Variants in BMP15 observed in about 807,000 individuals in gnomAD.
BMP15 encodes growth/differentiation factor 9B.
A neutral mutation model predicts 4.4 loss-of-function variants in BMP15; 5 were observed. The ratio of observed to expected loss-of-function variants is 1.13; its 90% CI spans 0.59 to 2.38. BMP15 has a LOEUF of 2.38. BMP15 is among the 30% of genes most tolerant of loss of function. The probability of loss-of-function intolerance (pLI) is 0.01; values close to 1 mark genes in which losing one functional copy is unlikely to be tolerated. For synonymous variants in BMP15, 125 were observed against 114.6 expected, an observed-to-expected ratio of 1.09 and a Z score of -0.58; for missense variants, 339 against 309.8, an observed-to-expected ratio of 1.09 and a Z score of -0.71.
chrX:50,915,128 C>T (rs1377115256), intron 1 of BMP15, among the ~76,000 whole-genome samples: 1 of 111,351 alleles, frequency 9.0e-6, no homozygotes, highest in African/African-American at 3.3e-5. Context: ...AGATAGCTGT[C>T]TGTACTAGAG....
chrX:50,913,887 C>T (rs1425384684), intron 1 of BMP15, among the ~76,000 whole-genome samples: 2 of 111,688 alleles, frequency 1.8e-5, no homozygotes, highest in African/African-American at 6.5e-5. Context: ...AAAGCAAATA[C>T]AAGCCTGGCT....
rs1408633559 is a variant in BMP15, at chrX:50,914,454, C to T, written c.329-1303C>T. Among the ~76,000 whole-genome samples the T allele has an allele frequency of 5.4e-5, 6 of 111,755 alleles. No individual in the cohort carries two copies. In the Admixed American group the frequency reaches 5.7e-4, roughly 11 times the overall value. On this transcript the variant is annotated intron_variant, in intron 1 of 1. Coordinates refer to ENST00000252677, the MANE Select transcript of BMP15 (RefSeq NM_005448.2). ...AAACAGAAAAAGCTGGGCATGTTGG[C>T]ACATACCTGTAGTCCTTGCTATCCA...
intron 1 of BMP15, among the ~76,000 whole-genome samples, chrX:50,915,236 C>T (rs2147793459): frequency 9.0e-6 from 1 of 111,713 alleles, no homozygotes; most frequent in Non-Finnish European, 1.9e-5. Context: ...AAAGCTGCAT[C>T]TGTATAGTGA....
chrX:50,916,575 G>C lies in BMP15; in HGVS notation c.1147G>C (p.Gly383Arg). 8.3e-7 allele frequency: 1 copy of C among 1,211,146 alleles called. No individual in the cohort carries two copies. The highest frequency in any genetic ancestry group is 1.1e-6 in the Non-Finnish European group (1 of 895,360). The change falls in exon 2 of 2, where the codon GGT becomes CGT. Residue 383 changes from glycine (G) to arginine (R), a missense_variant. By Grantham distance (125) the Gly-to-Arg change is moderately radical. Coordinates refer to ENST00000252677, the MANE Select transcript of BMP15 (RefSeq NM_005448.2). ...GAGTATTTTGTACAAGGAGTATGAG[G>C]GTATGATTGCTGAGTCTTGTACATG... ...NGSILYKEYEGMIAESCTCR is the reference protein window; with the variant it reads ...NGSILYKEYERMIAESCTCR
chrX:50,910,794 T>G lies in BMP15; in HGVS notation c.11T>G (p.Leu4Arg). 1 of 1,207,229 alleles carries G rather than the reference T, an allele frequency of 8.3e-7. No individual in the cohort carries two copies. Among genetic ancestry groups the G allele is most frequent in the East Asian group, 3.0e-5 (1 of 33,736 alleles). Residue 4 changes from leucine (L) to arginine (R), a missense_variant, in exon 1 of 2, where the codon CTC (leucine) becomes CGC (arginine). By Grantham distance (102) the Leu-to-Arg change is moderately radical. Coordinates refer to ENST00000252677, the MANE Select transcript of BMP15 (RefSeq NM_005448.2). ...ACTAAGCCTTTCAAGATGGTCCTCCTCAGTATTCTTAGAATTCTTTTTCTT... is the reference window on the plus strand; with the variant it reads ...ACTAAGCCTTTCAAGATGGTCCTCCGCAGTATTCTTAGAATTCTTTTTCTT... MVL[L>R]SILRILFLCE...
chrX:50,915,922 C>T lies in BMP15; in HGVS notation c.494C>T (p.Pro165Leu). 4.1e-6 allele frequency: 5 copies of T among 1,211,903 alleles called. No individual in the cohort carries two copies. The South Asian group carries it at 7.0e-5, about 17-fold the overall frequency. ...WVQKNPTNHF[P>L]SSEGDSSKPS... ...CAGAAAAACCCAACCAACCACTTCC[C>T]TTCCTCAGAAGGAGATTCCTCAAAA... Residue 165 changes from proline to leucine, a missense_variant, in exon 2 of 2, where the codon CCT becomes CTT. Pro to Leu is a moderately conservative substitution (Grantham distance 98, BLOSUM62 -3). Coordinates refer to ENST00000252677, the MANE Select transcript of BMP15 (RefSeq NM_005448.2).
At chrX:50,911,757 A>T (rs782337588) in intron 1 of BMP15, among the ~76,000 whole-genome samples, 1 of 111,896 alleles carries the variant, frequency 8.9e-6, no homozygotes, top group Non-Finnish European at 1.9e-5. Flanking sequence ...GTAACTTCTT[A>T]AGTCTTTAAA....
intron 1 of BMP15, 49 bp downstream of exon 1, chrX:50,911,160 G>A: frequency 8.8e-7 from 1 of 1,132,012 alleles, no homozygotes; most frequent in Non-Finnish European, 1.2e-6. Context: ...GAAGTGGAGA[G>A]GAGTGTAGAG....
At chrX:50,914,008 T>C (rs1410541407) in intron 1 of BMP15, among the ~76,000 whole-genome samples, 4 of 112,109 alleles carry the variant, frequency 3.6e-5, no homozygotes, top group African/African-American at 1.3e-4. Flanking sequence ...TTCGCTCTTA[T>C]CATCCAGGCT....
In BMP15 at chrX:50,916,478, G is replaced by GAGTGTCCCCCGGCCC; in HGVS notation, c.1051_1065dup (p.Val352_Ser356dup). The GAGTGTCCCCCGGCCC allele has an allele frequency of 1.7e-6, 2 of 1,211,599 alleles. No homozygotes were observed. Among genetic ancestry groups the GAGTGTCCCCCGGCCC allele is most frequent in the Non-Finnish European group, 2.2e-6 (2 of 895,534 alleles). Reference sequence around the variant, plus strand: ...ACCTTATCAATCAGTTGGTGGACCAGAGTGTCCCCCGGCCCTCCTGTGTCC... The same window carrying GAGTGTCCCCCGGCCC: ...ACCTTATCAATCAGTTGGTGGACCAGAGTGTCCCCCGGCCCAGTGTCCCCCGGCCCTCCTGTGTCC... On this transcript the variant is annotated inframe_insertion, in exon 2 of 2. Transcript: ENST00000252677.
Position 50,910,853 on chromosome X carries a change from C to G in BMP15, c.70C>G (p.Gln24Glu). The change falls in exon 1 of 2, where the codon CAA becomes GAA. Residue 24 changes from glutamine to glutamate, a missense_variant. By Grantham distance (29) the Gln-to-Glu change is conservative. Coordinates refer to ENST00000252677, the MANE Select transcript of BMP15 (RefSeq NM_005448.2). The stretch of plus-strand genomic sequence containing the variant: ...CGTGCTTTTCATGGAACACAGGGCC[C>G]AAATGGCAGAAGGAGGGCAGTCCTC... Reference protein sequence around the residue: ...ELVLFMEHRAQMAEGGQSSIA... With the variant: ...ELVLFMEHRAEMAEGGQSSIA... The G allele has an allele frequency of 2.5e-6, 3 of 1,209,181 alleles. No individual in the cohort carries two copies. Among genetic ancestry groups the G allele is most frequent in the Non-Finnish European group, 3.4e-6 (3 of 894,047 alleles).
intron 1 of BMP15, among the ~76,000 whole-genome samples, chrX:50,912,325 A>C (rs1923030400): frequency 9.0e-6 from 1 of 110,768 alleles, no homozygotes; most frequent in East Asian, 2.8e-4. Flanking sequence ...TGCTGTTCTG[A>C]CTCCCCACTG....
At chrX:50,915,727 C>T in intron 1 of BMP15, 30 bp from the exon 2 acceptor site, 1 of 1,210,349 alleles carries the variant, frequency 8.3e-7, no homozygotes, top group South Asian at 1.8e-5. Flanking sequence ...GAAGCTAAAC[C>T]TCTGCTCTTG....
At chrX:50,911,180 T>C (rs2147792036) in intron 1 of BMP15, 69 bp downstream of exon 1, 1 of 1,097,789 alleles carries the variant, frequency 9.1e-7, no homozygotes, top group Non-Finnish European at 1.2e-6. Flanking sequence ...GAAAAGGGAA[T>C]TGGTGGGTTT....
In BMP15 at chrX:50,916,281, G is replaced by A. The variant is rs1375150845; in HGVS notation, c.853G>A (p.Gly285Arg). The A allele has an allele frequency of 2.6e-5, 31 of 1,204,783 alleles. No individual in the cohort carries two copies. The highest frequency in any genetic ancestry group is 2.3e-4 in the Middle Eastern group (1 of 4,344). The part of the protein sequence containing the change: ...EVTASSSKHS[G>R]PENNQCSLHP... ...TACTGCCTCTTCCTCAAAACATAGC[G>A]GGCCTGAAAATAACCAGTGTTCCCT... Residue 285 changes from glycine to arginine, a missense_variant, in exon 2 of 2, where the codon GGG (glycine) becomes AGG (arginine). Coordinates refer to ENST00000252677, the MANE Select transcript of BMP15 (RefSeq NM_005448.2).
chrX:50,916,489 G>A lies in BMP15; in HGVS notation c.1061G>A (p.Arg354Gln), dbSNP rs1557280374. ...CAGTTGGTGGACCAGAGTGTCCCCC[G>A]GCCCTCCTGTGTCCCGTATAAGTAT... ...INQLVDQSVP[R>Q]PSCVPYKYVP... The change falls in exon 2 of 2, where the codon CGG becomes CAG. Residue 354 changes from arginine (R) to glutamine (Q), a missense_variant. Coordinates refer to ENST00000252677, the MANE Select transcript of BMP15 (RefSeq NM_005448.2). 8 of 1,209,093 alleles carry A rather than the reference G, an allele frequency of 6.6e-6. No individual in the cohort carries two copies. Among genetic ancestry groups the A allele is most frequent in the Non-Finnish European group, 8.9e-6 (8 of 895,105 alleles).
chrX:50,913,644 A>T (rs1333512300), intron 1 of BMP15, among the ~76,000 whole-genome samples: 1 of 111,210 alleles, frequency 9.0e-6, no homozygotes, highest in East Asian at 2.9e-4. Flanking sequence ...AGGATGTGTG[A>T]TTCAGCCCTT....
intron 1 of BMP15, among the ~76,000 whole-genome samples, chrX:50,913,080 T>C (rs186746178): frequency 1.1e-3 from 119 of 110,552 alleles, no homozygotes; most frequent in Admixed American, 8.5e-3. Flanking sequence ...ATGAGCATTG[T>C]GGGAAATGGC....
chrX:50,913,934 A>G (rs1277896321), intron 1 of BMP15, among the ~76,000 whole-genome samples: 16 of 111,597 alleles, frequency 1.4e-4, no homozygotes, highest in African/African-American at 4.9e-4. Flanking sequence ...CGCCAAGCCC[A>G]AGGGTATATT....
Sources: gnomAD v4.1 joint callset for allele counts (sites outside exome capture counted in the v4.1 genomes callset) on GRCh38, gnomAD v4.1.1 for gene constraint, MANE v1.5 for transcripts, NCBI Gene and HGNC (gene_info 2026-07-23, HGNC 2026-07-21) for gene names.